Variants in FNIP2 observed in about 807,000 individuals in gnomAD.
The protein encoded by FNIP2 is folliculin interacting protein 2, also known as folliculin-interacting protein 2.
Under a neutral mutation model 108.7 loss-of-function variants are expected in FNIP2, and 32 were observed. The ratio of observed to expected loss-of-function variants is 0.29; its 90% CI spans 0.22 to 0.40. FNIP2 has a LOEUF of 0.40. Ranked by LOEUF, FNIP2 falls within the 10% of genes least tolerant of loss-of-function variation. The probability of loss-of-function intolerance (pLI) is 1.00; values close to 1 mark genes in which losing one functional copy is unlikely to be tolerated. For missense variants in FNIP2, 1,202 were observed against 1,381.6 expected (o/e 0.87, Z 2.06); for synonymous variants, 480 against 496.7 (o/e 0.97, Z 0.45).
intron 8 of FNIP2, among the ~76,000 whole-genome samples, chr4:158,855,513 T>G (rs1470750311): frequency 6.6e-6 from 1 of 152,184 alleles, no homozygotes; most frequent in Non-Finnish European, 1.5e-5. Context: ...AATGGTGCAA[T>G]CTCAGCTCAC....
rs1408549155 is a variant in FNIP2 at position 158,868,688 on chromosome 4, G to A, written c.2052G>A (p.Glu684=). 6.2e-7 allele frequency: 1 copy of A among 1,614,020 alleles called. No homozygotes were observed. The highest frequency in any genetic ancestry group is 2.2e-5 in the East Asian group (1 of 44,890). The change falls in exon 13 of 17, where the codon GAG becomes GAA. Residue 684 remains glutamate (E), a synonymous_variant. Coordinates refer to ENST00000264433, the MANE Select transcript of FNIP2 (RefSeq NM_020840.3). The surrounding 1 kb of genome is among the most constrained non-coding windows in gnomAD (Gnocchi z 4.6). The part of the protein sequence containing the change: ...GMKMDQQAVC[E]LLKVEMPTRL... The stretch of plus-strand genomic sequence containing the variant: ...AGATGGACCAGCAAGCTGTCTGTGA[G>A]CTGTTGAAAGTGGAGATGCCTACAA...
chr4:158,831,731 A>T (rs942049169), intron 3 of FNIP2, 130 bp from the exon 4 acceptor site: 2 of 654,700 alleles, frequency 3.1e-6, no homozygotes, highest in Admixed American at 5.5e-5. Flanking sequence ...AGATTGTAAG[A>T]TGACCACTTG....
intron 14 of FNIP2, among the ~76,000 whole-genome samples, chr4:158,875,613 C>A (rs948412860): frequency 4.0e-5 from 6 of 149,838 alleles, no homozygotes; most frequent in African/African-American, 7.5e-5. Context: ...CAAGTCCCTT[C>A]AAATGGTAAA....
intron 1 of FNIP2, among the ~76,000 whole-genome samples, chr4:158,789,395 T>TA (rs2126446974): frequency 6.6e-6 from 1 of 152,342 alleles, no homozygotes; most frequent in Admixed American, 6.5e-5. Context: ...GATACTATGT[T>TA]ATGAAGGACA....
At chr4:158,873,390 G>GT (rs1015187479) in intron 14 of FNIP2, among the ~76,000 whole-genome samples, 22 of 151,190 alleles carry the variant, frequency 1.5e-4, no homozygotes, top group Admixed American at 4.0e-4. Flanking sequence ...TTTTGTTTTT[G>GT]TTTTTTTTGA....
chr4:158,894,785 G>T (rs1291382561), intron 15 of FNIP2, among the ~76,000 whole-genome samples: 3 of 152,110 alleles, frequency 2.0e-5, no homozygotes, highest in Non-Finnish European at 4.4e-5. Context: ...TCACTTAGCA[G>T]TTGTGTTTCA....
chr4:158,869,182 T>C lies in FNIP2; in HGVS notation c.2546T>C (p.Val849Ala). The change falls in exon 13 of 17, where the codon GTG becomes GCG. Residue 849 changes from valine (V) to alanine (A), a missense_variant. By Grantham distance (64) the Val-to-Ala change is moderately conservative. This residue lies in a region of FNIP2 where 878 missense variants were observed against 990.3 expected (regional missense o/e 0.89). Transcript: ENST00000264433. Reference sequence around the variant, plus strand: ...TATGTGAAGGCTGCGGAAGGACCTGTGCTGGAGCCTGTTGCCCCCAGGTGT... The same window carrying C: ...TATGTGAAGGCTGCGGAAGGACCTGCGCTGGAGCCTGTTGCCCCCAGGTGT... ...GLYVKAAEGP[V>A]LEPVAPRCVQ... is the part of the protein sequence containing the mutation. The C allele has an allele frequency of 6.2e-7, 1 of 1,614,038 alleles. No homozygotes were observed. Among genetic ancestry groups the C allele is most frequent in the Non-Finnish European group, 8.5e-7 (1 of 1,179,894 alleles).
chr4:158,892,378 G>A (rs1014621163), intron 15 of FNIP2, among the ~76,000 whole-genome samples: 5 of 151,884 alleles, frequency 3.3e-5, no homozygotes, highest in African/African-American at 4.8e-5. Context: ...CAAGCAATCC[G>A]CTTCTTTCCA....
At chr4:158,782,468 A>G (rs1416097155) in intron 1 of FNIP2, among the ~76,000 whole-genome samples, 1 of 151,568 alleles carries the variant, frequency 6.6e-6, no homozygotes, top group Non-Finnish European at 1.5e-5. Flanking sequence ...TGGTAAACCT[A>G]CCAGATACAT....
chr4:158,799,327 T>C (rs1041927124), intron 1 of FNIP2, among the ~76,000 whole-genome samples: 1 of 152,244 alleles, frequency 6.6e-6, no homozygotes. Context: ...CCAAGAGTTC[T>C]CTGCTAGGTG....
intron 2 of FNIP2, among the ~76,000 whole-genome samples, chr4:158,826,954 C>T (rs528424008): frequency 6.6e-6 from 1 of 152,304 alleles, no homozygotes; most frequent in African/African-American, 2.4e-5. Context: ...CAGTTTATAA[C>T]GCAGTCTTTG....
At chr4:158,867,560 G>C (rs1015789409) in intron 12 of FNIP2, among the ~76,000 whole-genome samples, 7 of 152,164 alleles carry the variant, frequency 4.6e-5, no homozygotes, top group African/African-American at 1.7e-4. Flanking sequence ...TTTTCTTCTT[G>C]TTAATCAAGC....
At chr4:158,807,128 C>T (rs1376520876) in intron 1 of FNIP2, among the ~76,000 whole-genome samples, 1 of 152,120 alleles carries the variant, frequency 6.6e-6, no homozygotes, top group Non-Finnish European at 1.5e-5. Context: ...TTGAGAATTA[C>T]ATTTCATTCC....
chr4:158,850,037 C>T (rs757632243), intron 7 of FNIP2, among the ~76,000 whole-genome samples: 3 of 152,150 alleles, frequency 2.0e-5, no homozygotes, highest in African/African-American at 2.4e-5. Flanking sequence ...ACCCCAGTTG[C>T]CTACCACACC....
intron 6 of FNIP2, chr4:158,833,834 A>G (rs1778621293): frequency 1.3e-6 from 2 of 1,504,338 alleles, no homozygotes; most frequent in Admixed American, 2.0e-5. Context: ...AAACTGCTGC[A>G]GGGGGTAGCT....
intron 7 of FNIP2, among the ~76,000 whole-genome samples, chr4:158,846,769 C>T (rs753058494): frequency 2.6e-5 from 4 of 152,176 alleles, no homozygotes; most frequent in African/African-American, 4.8e-5. Context: ...CTCCACCGAT[C>T]GTCCTCTCTG....
chr4:158,802,516 G>A lies in FNIP2; in HGVS notation c.108-23400G>A, dbSNP rs144737144. 3.1e-3 allele frequency among the ~76,000 whole-genome samples: 477 copies of A among 152,154 alleles called. 4 individuals carry two copies. Among genetic ancestry groups the A allele is most frequent in the African/African-American group, 0.011 (461 of 41,508 alleles). On this transcript the variant is annotated intron_variant, in intron 1 of 16. Coordinates refer to ENST00000264433, the MANE Select transcript of FNIP2 (RefSeq NM_020840.3). ...CTTAGATTTTTCTCCTCCAAGCTAC[G>A]TTTCTCAATTGTTGCTTCTGAGTTA...
chr4:158,786,404 C>T (rs1776225179), intron 1 of FNIP2, among the ~76,000 whole-genome samples: 1 of 152,116 alleles, frequency 6.6e-6, no homozygotes, highest in Admixed American at 6.5e-5. Flanking sequence ...ACGTTAATTG[C>T]ACAGGAGATT....
intron 1 of FNIP2, among the ~76,000 whole-genome samples, chr4:158,784,963 A>T (rs896461166): frequency 6.6e-6 from 1 of 152,208 alleles, no homozygotes; most frequent in African/African-American, 2.4e-5. Context: ...AGTGTATAGC[A>T]TAATACTAAG....
Sources: gnomAD v4.1 joint callset for allele counts (sites outside exome capture counted in the v4.1 genomes callset) on GRCh38, gnomAD v4.1.1 for gene constraint, gnomAD v4.1.1 regional missense constraint, Gnocchi (gnomAD v3.1) non-coding constraint, MANE v1.5 for transcripts, NCBI Gene and HGNC (gene_info 2026-07-23, HGNC 2026-07-21) for gene names.